EPB41L1: variants seen among roughly 807,000 people sequenced by gnomAD.
The protein encoded by EPB41L1 is erythrocyte membrane protein band 4.1 like 1.
A neutral mutation model predicts 97.8 loss-of-function variants in EPB41L1; 29 were observed. The ratio of observed to expected loss-of-function variants is 0.30; its 90% CI spans 0.22 to 0.40. EPB41L1 has a LOEUF of 0.40. Ranked by LOEUF, EPB41L1 falls within the 10% of genes least tolerant of loss-of-function variation. The pLI, the probability that EPB41L1 is intolerant of heterozygous loss-of-function variation, is 1.00. For missense variants in EPB41L1, 812 were observed against 1,162.3 expected (o/e 0.70, Z 4.38); for synonymous variants, 383 against 459.2 (o/e 0.83, Z 2.12).
At position 36,092,624 on chromosome 20, in the gene EPB41L1, G is replaced by C. The variant is rs1027378423; in HGVS notation, c.-65+1012G>C. ...GGGGAGCCGGCCGGGGCGGGGCGGA[G>C]CGGCGAGAGGGGGTGTGGGGGGCGG... On this transcript the variant is annotated intron_variant, in intron 1 of 19. Transcript: ENST00000202028. The surrounding 1 kb of genome is among the most constrained non-coding windows in gnomAD (Gnocchi z 7.0). 1 of 151,662 alleles carries C rather than the reference G, an allele frequency of 6.6e-6. No homozygotes were observed. The highest frequency in any genetic ancestry group is 1.5e-5 in the Non-Finnish European group (1 of 67,878). The allele number at this position is 151,662 out of a possible 1,614,324, so 9.4% of individuals were successfully genotyped here. A position where few individuals can be genotyped will look rare whatever the true frequency, so the allele number is the denominator to read the frequency against.
At chr20:36,225,815 C>A (rs181701775) in intron 21 of EPB41L1, among the ~76,000 whole-genome samples, 57 of 152,266 alleles carry the variant, frequency 3.7e-4, no homozygotes, top group Non-Finnish European at 7.2e-4. Context: ...TCAGAGCCCT[C>A]ATCCTGGCCT....
In EPB41L1 at chr20:36,158,009, C is replaced by T. The variant is rs191935359; in HGVS notation, c.-15+3113C>T. Among the ~76,000 whole-genome samples the T allele has an allele frequency of 6.0e-4, 91 of 152,266 alleles. No individual in the cohort carries two copies. In the East Asian group the frequency reaches 0.015, roughly 26 times the overall value. ...GTGCCAGGCCCAGTTTTAAGGGCTT[C>T]CATGTACAACTCATACGTTCTTCAC... On this transcript the variant is annotated intron_variant, in intron 1 of 21. Coordinates refer to ENST00000338074, the MANE Select transcript of EPB41L1 (RefSeq NM_012156.2).
At chr20:36,107,160 T>C (rs2058216559) in intron 1 of EPB41L1, among the ~76,000 whole-genome samples, 1 of 151,938 alleles carries the variant, frequency 6.6e-6, no homozygotes, top group Non-Finnish European at 1.5e-5. Context: ...AATGCTCCCT[T>C]CATTTATTGA....
intron 17 of EPB41L1, among the ~76,000 whole-genome samples, chr20:36,217,952 G>A (rs2063541807): frequency 6.6e-6 from 1 of 152,212 alleles, no homozygotes; most frequent in Admixed American, 6.5e-5. Context: ...GGACAGACAA[G>A]GCTGAGCCCT....
chr20:36,128,687 G>C (rs1480007219), intron 2 of EPB41L1, among the ~76,000 whole-genome samples: 2 of 152,210 alleles, frequency 1.3e-5, no homozygotes, highest in African/African-American at 4.8e-5. Flanking sequence ...GGGTGATGGG[G>C]TTGCATCTGG....
Position 36,212,167 on chromosome 20 carries a change from C to T in EPB41L1, c.2080-105C>T, listed in dbSNP as rs2063171116. ...AGTACCCTTCCAGAGATGTGGCCAG[C>T]TGTGGGGATAGGAGATAGCCTGCAG... On this transcript the variant is annotated intron_variant, in intron 15 of 21. Coordinates refer to ENST00000338074, the MANE Select transcript of EPB41L1 (RefSeq NM_012156.2). This position sits in a 1 kb window ranked among gnomAD's most constrained non-coding sequence, Gnocchi z 4.8. 2 of 1,062,490 alleles carry T rather than the reference C, an allele frequency of 1.9e-6. No individual in the cohort carries two copies. Among genetic ancestry groups the T allele is most frequent in the African/African-American group, 3.1e-5 (2 of 64,466 alleles). The allele number at this position is 1,062,490 out of a possible 1,614,324, so 65.8% of individuals were successfully genotyped here. A position where few individuals can be genotyped will look rare whatever the true frequency, so the allele number is the denominator to read the frequency against.
intron 15 of EPB41L1, among the ~76,000 whole-genome samples, chr20:36,210,897 A>G (rs2146827004): frequency 6.6e-6 from 1 of 152,192 alleles, no homozygotes; most frequent in African/African-American, 2.4e-5. Flanking sequence ...CAGGGTTGCA[A>G]CCATCTATAA....
chr20:36,208,804 A>G (rs1417960558), intron 14 of EPB41L1, among the ~76,000 whole-genome samples: 2 of 152,158 alleles, frequency 1.3e-5, no homozygotes, highest in Non-Finnish European at 2.9e-5. Flanking sequence ...GCTGTTGTCA[A>G]TTACACTGAT....
intron 14 of EPB41L1, chr20:36,200,769 G>A (rs2062451886): frequency 4.9e-6 from 2 of 409,776 alleles, no homozygotes; most frequent in African/African-American, 4.1e-5. Flanking sequence ...CTTTGTGTGT[G>A]TGTCTCTCTC....
Position 36,207,316 on chromosome 20 carries a change from G to A in EPB41L1, c.1669-2172G>A, listed in dbSNP as rs1401209031. ...CATCACCAGCAGAAAGCCCAGAGTA[G>A]TCCCTGAAGAAGCTGAGGGGCGCAT... On this transcript the variant is annotated intron_variant, in intron 14 of 21. Coordinates refer to ENST00000338074, the MANE Select transcript of EPB41L1 (RefSeq NM_012156.2). The surrounding 1 kb of genome is among the most constrained non-coding windows in gnomAD (Gnocchi z 4.9). 3.1e-6 allele frequency: 4 copies of A among 1,285,134 alleles called. No homozygotes were observed. The African/African-American group carries it at 6.1e-5, about 20-fold the overall frequency. 79.6% of individuals were successfully genotyped at this position (1,285,134 alleles called of 1,614,324 possible).
chr20:36,118,329 G>C (rs979694455), intron 2 of EPB41L1, among the ~76,000 whole-genome samples: 2 of 151,770 alleles, frequency 1.3e-5, no homozygotes, highest in Non-Finnish European at 2.9e-5. Flanking sequence ...CTGCACTCCA[G>C]CCTGGACTAC....
At chr20:36,174,380 C>A (rs1015501474) in intron 2 of EPB41L1, among the ~76,000 whole-genome samples, 1 of 152,046 alleles carries the variant, frequency 6.6e-6, no homozygotes, top group Non-Finnish European at 1.5e-5. Flanking sequence ...TCAAGCAATT[C>A]TCCTGCCTCA....
intron 11 of EPB41L1, among the ~76,000 whole-genome samples, chr20:36,192,895 A>G (rs1385817790): frequency 6.6e-6 from 1 of 152,228 alleles, no homozygotes; most frequent in Non-Finnish European, 1.5e-5. Flanking sequence ...AAGGATACCT[A>G]GGAGTTTGCC....
Position 36,206,551 on chromosome 20 carries a change from G to A in EPB41L1, c.1669-2937G>A, listed in dbSNP as rs2062824456. Reference sequence around the variant, plus strand: ...GGAGGAGAGAAAAGGGCGCCTGGATGCCCCTCCCGGAGGTGAGCCCAGGCC... The same window carrying A: ...GGAGGAGAGAAAAGGGCGCCTGGATACCCCTCCCGGAGGTGAGCCCAGGCC... On this transcript the variant is annotated intron_variant, in intron 14 of 21. Transcript: ENST00000338074. The surrounding 1 kb of genome is among the most constrained non-coding windows in gnomAD (Gnocchi z 5.5). 7.8e-7 allele frequency: 1 copy of A among 1,289,820 alleles called. No individual in the cohort carries two copies. The allele number at this position is 1,289,820 out of a possible 1,614,324, so 79.9% of individuals were successfully genotyped here. A position where few individuals can be genotyped will look rare whatever the true frequency, so the allele number is the denominator to read the frequency against.
intron 1 of EPB41L1, among the ~76,000 whole-genome samples, chr20:36,111,702 G>A (rs562042651): frequency 6.7e-6 from 1 of 148,192 alleles, no homozygotes; most frequent in Admixed American, 6.8e-5. Context: ...TAGGAGAATC[G>A]TTTGAACCTG....
intron 14 of EPB41L1, among the ~76,000 whole-genome samples, chr20:36,201,523 G>A (rs982365713): frequency 1.4e-4 from 22 of 152,190 alleles, no homozygotes; most frequent in Non-Finnish European, 7.3e-5. Context: ...GTTAGGGCAC[G>A]ACATTCCAGG....
intron 2 of EPB41L1, among the ~76,000 whole-genome samples, chr20:36,143,046 T>C (rs1433297781): frequency 2.6e-5 from 4 of 152,124 alleles, no homozygotes; most frequent in Admixed American, 6.5e-5. Flanking sequence ...ACTTGGCCTC[T>C]AAAAATAACT....
chr20:36,162,443 A>C (rs2060570960), intron 1 of EPB41L1, among the ~76,000 whole-genome samples: 1 of 152,226 alleles, frequency 6.6e-6, no homozygotes, highest in Admixed American at 6.5e-5. Context: ...CTTGAGTCCT[A>C]GTCCTGGCTC....
In EPB41L1 at chr20:36,206,530, G is replaced by T; in HGVS notation, c.1669-2958G>T. On this transcript the variant is annotated intron_variant, in intron 14 of 21. Coordinates refer to ENST00000338074, the MANE Select transcript of EPB41L1 (RefSeq NM_012156.2). This position sits in a 1 kb window ranked among gnomAD's most constrained non-coding sequence, Gnocchi z 5.5. ...CCAAGTCCTCCCTCCACCCCTGGAG[G>T]AGAGAAAAGGGCGCCTGGATGCCCC... The T allele has an allele frequency of 7.8e-7, 1 of 1,289,840 alleles. No homozygotes were observed. The highest frequency in any genetic ancestry group is 5.5e-5 in the East Asian group (1 of 18,020). The allele number at this position is 1,289,840 out of a possible 1,614,324, so 79.9% of individuals were successfully genotyped here.
Sources: gnomAD v4.1 joint callset for allele counts (sites outside exome capture counted in the v4.1 genomes callset) on GRCh38, gnomAD v4.1.1 for gene constraint, Gnocchi (gnomAD v3.1) non-coding constraint, MANE v1.5 for transcripts, NCBI Gene and HGNC (gene_info 2026-07-23, HGNC 2026-07-21) for gene names.